LAMA1: variants seen among roughly 807,000 people sequenced by gnomAD.
LAMA1 encodes the protein laminin subunit alpha-1.
A neutral mutation model predicts 348.7 loss-of-function variants in LAMA1; 219 were observed. That is an observed-to-expected ratio of 0.63 (90% CI 0.56 to 0.70). The LOEUF (loss-of-function observed/expected upper bound fraction) is 0.70. Among genes scored for constraint, LAMA1 ranks in the 30% least tolerant of loss-of-function variants. The pLI, the probability that LAMA1 is intolerant of heterozygous loss-of-function variation, is 0.00. For missense variants in LAMA1, 3,744 were observed against 3,888.0 expected (o/e 0.96, Z 0.99); for synonymous variants, 1,487 against 1,491.0 (o/e 1.00, Z 0.06).
chr18:7,060,250 T>C (rs540550153), intron 3 of LAMA1, among the ~76,000 whole-genome samples: 27 of 152,060 alleles, frequency 1.8e-4, no homozygotes, highest in African/African-American at 5.8e-4. Flanking sequence ...TTAACTGTTA[T>C]CTCATTTTAG....
intron 30 of LAMA1, 111 bp from the exon 31 acceptor site, chr18:7,000,108 A>C (rs2057801139): frequency 5.0e-6 from 4 of 796,230 alleles, no homozygotes; most frequent in South Asian, 4.5e-5. Context: ...AAGTTATGTG[A>C]TTACACATAG....
chr18:7,073,563 T>A (rs1328425850), intron 3 of LAMA1, among the ~76,000 whole-genome samples: 1 of 152,214 alleles, frequency 6.6e-6, no homozygotes, highest in Non-Finnish European at 1.5e-5. Context: ...CCAGGGTACA[T>A]ACATGCTGTG....
At chr18:7,076,309 G>T (rs889665121) in intron 3 of LAMA1, among the ~76,000 whole-genome samples, 2 of 152,308 alleles carry the variant, frequency 1.3e-5, no homozygotes, top group Non-Finnish European at 2.9e-5. Flanking sequence ...CACCCAGAGA[G>T]AATTCAAATT....
intron 36 of LAMA1, among the ~76,000 whole-genome samples, chr18:6,990,093 T>C (rs1472179337): frequency 6.6e-6 from 1 of 152,210 alleles, no homozygotes; most frequent in Non-Finnish European, 1.5e-5. Flanking sequence ...CTATATCATT[T>C]CATGTGATTG....
Position 6,964,704 on chromosome 18 carries a change from T to G in LAMA1, c.7295A>C (p.Asp2432Ala), listed in dbSNP as rs1324026657. Residue 2432 changes from aspartate to alanine, a missense_variant, in exon 51 of 63, where the codon GAC becomes GCC. Coordinates refer to ENST00000389658, the MANE Select transcript of LAMA1 (RefSeq NM_005559.4). The stretch of plus-strand genomic sequence containing the variant: ...TGGTAATCCACCCACATAAATCGGG[T>G]CCTTGTCTAGGCGGTTGAGGTCAGA... ...ASSDLNRLDK[D>A]PIYVGGLPRS... is the part of the protein sequence containing the mutation. 1.2e-6 allele frequency: 2 copies of G among 1,614,110 alleles called. No individual in the cohort carries two copies. Among genetic ancestry groups the G allele is most frequent in the South Asian group, 2.2e-5 (2 of 91,088 alleles).
intron 42 of LAMA1, among the ~76,000 whole-genome samples, chr18:6,979,004 A>G (rs1311234130): frequency 6.6e-6 from 1 of 152,212 alleles, no homozygotes; most frequent in African/African-American, 2.4e-5. Context: ...AAAAGACACT[A>G]TCATTCATTT....
At chr18:7,082,285 T>C (rs1178177283) in intron 1 of LAMA1, among the ~76,000 whole-genome samples, 1 of 152,180 alleles carries the variant, frequency 6.6e-6, no homozygotes, top group African/African-American at 2.4e-5. Flanking sequence ...TTACATCATA[T>C]ACTATGTTTA....
At chr18:7,105,428 G>A (rs1192273511) in intron 1 of LAMA1, among the ~76,000 whole-genome samples, 1 of 150,628 alleles carries the variant, frequency 6.6e-6, no homozygotes, top group African/African-American at 2.5e-5. Context: ...GACAGAGTGA[G>A]ACTTCATCTC....
chr18:7,098,982 T>C lies in LAMA1; in HGVS notation c.62-18525A>G, dbSNP rs530528696. 1.7e-3 allele frequency among the ~76,000 whole-genome samples: 259 copies of C among 152,210 alleles called. 2 individuals are homozygous for C. Among genetic ancestry groups the C allele is most frequent in the African/African-American group, 5.9e-3 (247 of 41,524 alleles). On this transcript the variant is annotated intron_variant, in intron 1 of 62. Transcript: ENST00000389658. ...CTGGGAGGTGTACTCAACAGCTCATTGAGAACAGGCCATGATGACAATGGT... is the reference window on the plus strand; with the variant it reads ...CTGGGAGGTGTACTCAACAGCTCATCGAGAACAGGCCATGATGACAATGGT...
At chr18:6,981,015 A>G (rs1017856433) in intron 41 of LAMA1, among the ~76,000 whole-genome samples, 1 of 151,928 alleles carries the variant, frequency 6.6e-6, no homozygotes, top group Admixed American at 6.6e-5. Flanking sequence ...AGGCAGGAGA[A>G]TGGCGTGAAC....
At position 7,099,478 on chromosome 18, in the gene LAMA1, A is replaced by G. The variant is rs551530707; in HGVS notation, c.61+18182T>C. Among the ~76,000 whole-genome samples, 17 of 143,264 alleles carry G rather than the reference A, an allele frequency of 1.2e-4. 1 individual carries two copies. In the South Asian group the frequency reaches 3.9e-3, roughly 33 times the overall value. The allele number at this position is 143,264 out of a possible 152,430, so 94.0% of individuals were successfully genotyped here. A position where few individuals can be genotyped will look rare whatever the true frequency, so the allele number is the denominator to read the frequency against. ...AGAATTATCAATAAAAAATAAATAA[A>G]TTTAAAAAAAAACAAAAAAAAAAAT... On this transcript the variant is annotated intron_variant, in intron 1 of 62. Transcript: ENST00000389658.
chr18:6,950,149 G>A (rs2057540116), intron 58 of LAMA1, among the ~76,000 whole-genome samples: 1 of 151,934 alleles, frequency 6.6e-6, no homozygotes, highest in Admixed American at 6.6e-5. Flanking sequence ...AGCACAAGAA[G>A]ACAACTTCGA....
intron 19 of LAMA1, 139 bp from the exon 20 acceptor site, chr18:7,017,523 T>C: frequency 2.8e-6 from 2 of 721,572 alleles, no homozygotes; most frequent in Admixed American, 2.1e-5. Flanking sequence ...TTATTGGCAA[T>C]AACTTTAGAA....
In LAMA1 at chr18:7,036,099, T is replaced by C; in HGVS notation, c.1738-11A>G. 6.3e-7 allele frequency: 1 copy of C among 1,591,446 alleles called. No homozygotes were observed. The highest frequency in any genetic ancestry group is 1.1e-5 in the South Asian group (1 of 90,588). ...GCCAAACGCAGTCAGCTGAAATGTT[T>C]AAGCGAGAATGAACACGAAAGGGGA... is the stretch of plus-strand genomic sequence containing the variant. On this transcript the variant is annotated splice_polypyrimidine_tract_variant and intron_variant, in intron 12 of 62. Transcript: ENST00000389658.
chr18:7,008,440 C>G, intron 28 of LAMA1, 48 bp downstream of exon 28: 1 of 1,611,076 alleles, frequency 6.2e-7, no homozygotes, highest in Non-Finnish European at 8.5e-7. Context: ...GTAACAAGCA[C>G]ATTTCAACTC....
chr18:6,987,391 T>C (rs2057739981), intron 36 of LAMA1, among the ~76,000 whole-genome samples: 1 of 152,192 alleles, frequency 6.6e-6, no homozygotes, highest in Non-Finnish European at 1.5e-5. Flanking sequence ...TGCAGCTAGT[T>C]AAGAAGAAAC....
At chr18:7,085,519 T>C (rs192215868) in intron 1 of LAMA1, among the ~76,000 whole-genome samples, 2,083 of 149,270 alleles carry the variant, frequency 0.014, 29 homozygotes, top group African/African-American at 0.032. Flanking sequence ...CCCGGGTTCA[T>C]GCCATTCTCC....
rs148914421 is a variant in LAMA1, at chr18:7,018,690, G to C, written c.2702-1306C>G. On this transcript the variant is annotated intron_variant, in intron 19 of 62. Coordinates refer to ENST00000389658, the MANE Select transcript of LAMA1 (RefSeq NM_005559.4). ...GATTACAGGCGTGAGCCACCGCGCC[G>C]GGCCCCCAGGCACTCTTTATAAATG... Among the ~76,000 whole-genome samples, 1,275 of 152,158 alleles carry C rather than the reference G, an allele frequency of 8.4e-3. 11 individuals are homozygous for C. The highest frequency in any genetic ancestry group is 0.027 in the Middle Eastern group (8 of 294).
chr18:7,012,500 T>A (rs779774711), intron 23 of LAMA1, among the ~76,000 whole-genome samples: 7,156 of 73,636 alleles, frequency 0.097, 187 homozygotes, highest in African/African-American at 0.23. Context: ...TATTATTATA[T>A]TATTATTATT....
Sources: gnomAD v4.1 joint callset for allele counts (sites outside exome capture counted in the v4.1 genomes callset) on GRCh38, gnomAD v4.1.1 for gene constraint, MANE v1.5 for transcripts, NCBI Gene and HGNC (gene_info 2026-07-23, HGNC 2026-07-21) for gene names.